The following CSMD1 variants were observed in gnomAD, a reference collection of about 807,000 sequenced individuals.
The protein encoded by CSMD1 is CUB and sushi domain-containing protein 1.
CSMD1 carries 213 observed loss-of-function variants against 417.5 expected under a neutral mutation model. The observed-to-expected ratio is 0.51, with a 90% CI of 0.46 to 0.57. The LOEUF is 0.57. CSMD1 is among the 20% of genes least tolerant of loss of function. The pLI, the probability that CSMD1 is intolerant of heterozygous loss-of-function variation, is 0.00. For synonymous variants in CSMD1, 2,862 were observed against 1,736.8 expected (o/e 1.65, Z -16.11); for missense variants, 6,923 against 4,529.7 (o/e 1.53, Z -15.17).
chr8:4,030,546 C>G (rs530484816), intron 4 of CSMD1, among the ~76,000 whole-genome samples: 2 of 152,154 alleles, frequency 1.3e-5, no homozygotes, highest in Non-Finnish European at 2.9e-5. Flanking sequence ...CATGGGGACC[C>G]TTGGCCCGGC....
At chr8:3,123,543 G>A (rs529982239) in intron 41 of CSMD1, among the ~76,000 whole-genome samples, 37 of 151,836 alleles carry the variant, frequency 2.4e-4, no homozygotes, top group African/African-American at 6.3e-4. Flanking sequence ...TGCTTTAAAC[G>A]TAATAAACTC....
At position 4,116,536 on chromosome 8, in the gene CSMD1, T is replaced by A. The variant is rs143175979; in HGVS notation, c.416-84437A>T. Reference sequence around the variant, plus strand: ...CGATGTATGAGTGCAGGTACCTGGATGGAACAAACGCGCCATGAATGAACC... The same window carrying A: ...CGATGTATGAGTGCAGGTACCTGGAAGGAACAAACGCGCCATGAATGAACC... On this transcript the variant is annotated intron_variant, in intron 3 of 69. Transcript: ENST00000635120. 2.7e-5 allele frequency among the ~76,000 whole-genome samples: 2 copies of A among 72,992 alleles called. 1 individual carries two copies. The highest frequency in any genetic ancestry group is 1.2e-4 in the African/African-American group (2 of 16,818). The allele number at this position is 72,992 out of a possible 152,430, so 47.9% of individuals were successfully genotyped here. A position where few individuals can be genotyped will look rare whatever the true frequency, so the allele number is the denominator to read the frequency against.
intron 7 of CSMD1, among the ~76,000 whole-genome samples, chr8:3,662,907 A>G (rs1248564064): frequency 6.6e-6 from 1 of 152,150 alleles, no homozygotes; most frequent in African/African-American, 2.4e-5. Context: ...TAAAACCTAG[A>G]TGATGGGTTG....
At chr8:3,364,011 G>C (rs1437442921) in intron 20 of CSMD1, among the ~76,000 whole-genome samples, 1 of 152,138 alleles carries the variant, frequency 6.6e-6, no homozygotes, top group African/African-American at 2.4e-5. Flanking sequence ...CTTTAATAAG[G>C]CCTTCTGAGA....
intron 49 of CSMD1, among the ~76,000 whole-genome samples, chr8:3,075,773 G>A (rs1813620140): frequency 6.6e-6 from 1 of 151,802 alleles, no homozygotes; most frequent in East Asian, 2.0e-4. Flanking sequence ...TGGGCGCGGT[G>A]GCTCATGCCT....
chr8:3,244,651 G>T (rs1799763176), intron 26 of CSMD1, among the ~76,000 whole-genome samples: 1 of 152,190 alleles, frequency 6.6e-6, no homozygotes, highest in South Asian at 2.1e-4. Context: ...GGGCAGCTTT[G>T]ATTCAGCCTT....
intron 26 of CSMD1, among the ~76,000 whole-genome samples, chr8:3,250,644 A>G (rs1039792047): frequency 7.2e-5 from 11 of 152,348 alleles, no homozygotes; most frequent in African/African-American, 1.7e-4. Context: ...ACTGTCTTCC[A>G]CAATCATTGA....
chr8:4,303,420 C>CTTTT lies in CSMD1; in HGVS notation c.415+116532_415+116533insAAAA, dbSNP rs1563419612. Among the ~76,000 whole-genome samples the CTTTT allele has an allele frequency of 1.1e-3, 101 of 92,312 alleles. 5 individuals are homozygous for CTTTT. Among genetic ancestry groups the CTTTT allele is most frequent in the Non-Finnish European group, 1.5e-3 (72 of 48,460 alleles). 60.6% of individuals were successfully genotyped at this position (92,312 alleles called of 152,430 possible). A position where few individuals can be genotyped will look rare whatever the true frequency, so the allele number is the denominator to read the frequency against. The stretch of plus-strand genomic sequence containing the variant: ...TCTCATTTATATATTGGGCAGGAAG[C>CTTTT]TGTTTTTTTTTTTTTTTTTTTTTTT... On this transcript the variant is annotated intron_variant, in intron 3 of 69. Transcript: ENST00000635120.
intron 6 of CSMD1, among the ~76,000 whole-genome samples, chr8:3,738,219 A>G (rs1159633650): frequency 6.6e-6 from 1 of 152,204 alleles, no homozygotes; most frequent in Non-Finnish European, 1.5e-5. Context: ...TGAAGTAGTG[A>G]ATTTTATGCT....
intron 5 of CSMD1, among the ~76,000 whole-genome samples, chr8:3,774,931 T>G (rs1563067174): frequency 6.6e-6 from 1 of 152,096 alleles, no homozygotes; most frequent in African/African-American, 2.4e-5. Flanking sequence ...GGCTACTGAC[T>G]GACCAGCGAG....
At chr8:3,066,024 T>C (rs997924844) in intron 49 of CSMD1, among the ~76,000 whole-genome samples, 3 of 152,168 alleles carry the variant, frequency 2.0e-5, no homozygotes, top group East Asian at 1.9e-4. Context: ...AAATTCATAA[T>C]AATGGGCCAA....
At chr8:3,174,806 A>AT (rs966675326) in intron 37 of CSMD1, among the ~76,000 whole-genome samples, 9 of 151,630 alleles carry the variant, frequency 5.9e-5, no homozygotes, top group African/African-American at 2.2e-4. Context: ...TTTCCATTAA[A>AT]TTTTTTTTTA....
At chr8:3,044,620 T>C (rs1473647910) in intron 50 of CSMD1, among the ~76,000 whole-genome samples, 1 of 151,176 alleles carries the variant, frequency 6.6e-6, no homozygotes, top group African/African-American at 2.4e-5. Flanking sequence ...CCAGTCTCAG[T>C]AAATAACTGA....
chr8:3,855,329 T>A (rs1246403326), intron 5 of CSMD1, among the ~76,000 whole-genome samples: 3 of 152,190 alleles, frequency 2.0e-5, no homozygotes, highest in East Asian at 3.9e-4. Context: ...TATTTTTTCA[T>A]CCAGAAGGAA....
chr8:3,605,311 G>C (rs562340236), intron 8 of CSMD1, among the ~76,000 whole-genome samples: 1 of 152,150 alleles, frequency 6.6e-6, no homozygotes, highest in Non-Finnish European at 1.5e-5. Context: ...TTACTGAAAA[G>C]AACACCACAT....
At chr8:4,465,353 A>T (rs1043081544) in intron 2 of CSMD1, among the ~76,000 whole-genome samples, 1 of 152,182 alleles carries the variant, frequency 6.6e-6, no homozygotes, top group Non-Finnish European at 1.5e-5. Flanking sequence ...GTACATCAGT[A>T]CATGTCTACT....
intron 3 of CSMD1, among the ~76,000 whole-genome samples, chr8:4,215,219 G>C (rs1585037552): frequency 6.6e-6 from 1 of 152,178 alleles, no homozygotes; most frequent in South Asian, 2.1e-4. Flanking sequence ...GCGACCTCTA[G>C]GTAGAAATTC....
rs149395408 is a variant in CSMD1 at position 4,978,984 on chromosome 8, G to A, written c.85+15348C>T. ...TTTAGAAAAAATAACTCTGGAGAAA[G>A]TAGTAGCAAACCTTAAAAATCTACT... On this transcript the variant is annotated intron_variant, in intron 1 of 69. Coordinates refer to ENST00000635120, the MANE Select transcript of CSMD1 (RefSeq NM_033225.6). Among the ~76,000 whole-genome samples the A allele has an allele frequency of 1.6e-4, 24 of 152,262 alleles. No individual in the cohort carries two copies. In the East Asian group the frequency reaches 4.6e-3, roughly 29 times the overall value.
At chr8:2,957,951 A>G (rs1219434085) in intron 62 of CSMD1, 144 bp from the exon 63 acceptor site, 1 of 621,672 alleles carries the variant, frequency 1.6e-6, no homozygotes. Flanking sequence ...GTCAACATGT[A>G]CATTTTAACT....
Sources: gnomAD v4.1 joint callset for allele counts (sites outside exome capture counted in the v4.1 genomes callset) on GRCh38, gnomAD v4.1.1 for gene constraint, MANE v1.5 for transcripts, NCBI Gene and HGNC (gene_info 2026-07-23, HGNC 2026-07-21) for gene names.